The following RYR2 variants were observed in gnomAD, a reference collection of about 807,000 sequenced individuals.
RYR2 encodes cardiac muscle ryanodine receptor-calcium release channel.
A neutral mutation model predicts 601.1 loss-of-function variants in RYR2; 227 were observed. That is an observed-to-expected ratio of 0.38 (90% confidence interval 0.34 to 0.42). The LOEUF (loss-of-function observed/expected upper bound fraction) is 0.42. Among genes scored for constraint, RYR2 ranks in the 10% least tolerant of loss-of-function variants. The pLI is 1.00. For synonymous variants in RYR2, 2,223 were observed against 2,175.1 expected, an observed-to-expected ratio of 1.02 and a Z score of -0.61; for missense variants, 4,646 against 6,156.5, an observed-to-expected ratio of 0.75 and a Z score of 8.21.
intron 1 of RYR2, among the ~76,000 whole-genome samples, chr1:237,086,704 G>A (rs1666374852): frequency 1.3e-5 from 2 of 152,130 alleles, no homozygotes; most frequent in African/African-American, 4.8e-5. Flanking sequence ...GTGGTGAGGG[G>A]TGCTGGGTGG....
chr1:237,723,093 A>T, intron 73 of RYR2, 35 bp from the exon 74 acceptor site: 3 of 1,580,382 alleles, frequency 1.9e-6, no homozygotes, highest in Non-Finnish European at 2.6e-6. Context: ...TTAGATTCCC[A>T]TCTTCCCATT....
intron 8 of RYR2, among the ~76,000 whole-genome samples, chr1:237,385,222 T>C (rs146096584): frequency 6.6e-6 from 1 of 152,210 alleles, no homozygotes; most frequent in Non-Finnish European, 1.5e-5. Flanking sequence ...GTACATAATT[T>C]ATTTTATTGG....
At chr1:237,139,376 G>A (rs568627245) in intron 1 of RYR2, among the ~76,000 whole-genome samples, 16 of 152,344 alleles carry the variant, frequency 1.1e-4, no homozygotes, top group Non-Finnish European at 2.4e-4. Context: ...GGGGCTAAAG[G>A]CAGTGGGAGG....
intron 62 of RYR2, 86 bp from the exon 63 acceptor site, chr1:237,687,369 T>G: frequency 1.7e-6 from 1 of 593,950 alleles, no homozygotes; most frequent in Non-Finnish European, 2.8e-6. Context: ...TCTTCTTCTT[T>G]TTTTTTTTTT....
At chr1:237,795,368 GCA>G (rs773065806) in intron 96 of RYR2, 37 bp downstream of exon 96, 1 of 1,078,048 alleles carries the variant, frequency 9.3e-7, no homozygotes, top group South Asian at 1.5e-5. Context: ...TTTTCTTAAA[GCA>G]CAGTTTAGAT....
intron 30 of RYR2, 75 bp downstream of exon 30, chr1:237,590,076 CT>C: frequency 7.6e-7 from 1 of 1,312,080 alleles, no homozygotes; most frequent in Non-Finnish European, 1.1e-6. Context: ...GGAACTTCTG[CT>C]TAGACAATTA....
At position 237,720,445 on chromosome 1, in the gene RYR2, C is replaced by T. The variant is rs191207534; in HGVS notation, c.10554+1924C>T. Reference sequence around the variant, plus strand: ...TTTCATGTGAAGTTTGATGTGTACTCAGTTGTTTACTAACAATTCTTTTAG... The same window carrying T: ...TTTCATGTGAAGTTTGATGTGTACTTAGTTGTTTACTAACAATTCTTTTAG... On this transcript the variant is annotated intron_variant, in intron 73 of 104. Transcript: ENST00000366574. Among the ~76,000 whole-genome samples the T allele has an allele frequency of 4.6e-5, 7 of 152,286 alleles. No individual in the cohort carries two copies. The East Asian group carries it at 1.4e-3, about 29-fold the overall frequency.
chr1:237,552,518 C>A (rs969962701), intron 27 of RYR2, among the ~76,000 whole-genome samples: 1 of 152,002 alleles, frequency 6.6e-6, no homozygotes, highest in Non-Finnish European at 1.5e-5. Context: ...TTTCTTCATT[C>A]CAGAAAGTTT....
chr1:237,622,358 A>T (rs1025265549), intron 38 of RYR2, among the ~76,000 whole-genome samples: 1 of 152,216 alleles, frequency 6.6e-6, no homozygotes. Flanking sequence ...AATCCAAAAC[A>T]TTTTGAGCAC....
intron 1 of RYR2, among the ~76,000 whole-genome samples, chr1:237,100,218 G>A (rs1034519304): frequency 6.6e-6 from 1 of 152,086 alleles, no homozygotes; most frequent in Non-Finnish European, 1.5e-5. Flanking sequence ...AAATAGATGA[G>A]GTGAAAGAGC....
chr1:237,164,862 C>T (rs970291254), intron 1 of RYR2, among the ~76,000 whole-genome samples: 7 of 152,084 alleles, frequency 4.6e-5, no homozygotes, highest in African/African-American at 1.2e-4. Flanking sequence ...GTCCATACTC[C>T]GTATACCTAT....
Position 237,691,976 on chromosome 1 carries a change from A to G in RYR2, c.9067+4472A>G, listed in dbSNP as rs1252852866. Among the ~76,000 whole-genome samples, 5 of 152,302 alleles carry G rather than the reference A, an allele frequency of 3.3e-5. No individual in the cohort carries two copies. The East Asian group carries it at 5.8e-4, about 18-fold the overall frequency. ...TACCCCTGACTTTTGCTGCCTAGAA[A>G]TTCTGATTACTATTTTCAAGGCAGT... On this transcript the variant is annotated intron_variant, in intron 63 of 104. Coordinates refer to ENST00000366574, the MANE Select transcript of RYR2 (RefSeq NM_001035.3).
At chr1:237,590,548 A>C (rs897862081) in intron 30 of RYR2, 92 bp from the exon 31 acceptor site, 1 of 1,036,960 alleles carries the variant, frequency 9.6e-7, no homozygotes, top group African/African-American at 1.6e-5. Flanking sequence ...CGCATTTGGG[A>C]TTCTGAAAAC....
At position 237,711,117 on chromosome 1, in the gene RYR2, GTATT is replaced by G. The variant is rs1196729266; in HGVS notation, c.10231-624_10231-621del. Among the ~76,000 whole-genome samples, 7 of 152,256 alleles carry G rather than the reference GTATT, an allele frequency of 4.6e-5. No homozygotes were observed. In the East Asian group the frequency reaches 1.3e-3, roughly 29 times the overall value. ...TACAAGACTAAAGTTTGGAACAAGA[GTATT>G]TATCATAATCAGTATGTTTTCAGAT... On this transcript the variant is annotated intron_variant, in intron 70 of 104. Transcript: ENST00000366574.
chr1:237,382,365 T>G lies in RYR2; in HGVS notation c.577-4916T>G, dbSNP rs183965296. Among the ~76,000 whole-genome samples, 295 of 152,310 alleles carry G rather than the reference T, an allele frequency of 1.9e-3. 1 individual carries two copies. The highest frequency in any genetic ancestry group is 3.6e-3 in the Non-Finnish European group (246 of 68,010). On this transcript the variant is annotated intron_variant, in intron 8 of 104. Transcript: ENST00000366574. ...TTTCTTACCCAACTCTAAATTTCTT[T>G]TTTTATTTTTTATTGTTATTTTTTA...
rs549265946 is a variant in RYR2, at chr1:237,593,593, G to A, written c.4393G>A (p.Val1465Ile). The A allele has an allele frequency of 2.5e-6, 4 of 1,613,856 alleles. No individual in the cohort carries two copies. In the African/African-American group the frequency reaches 4.0e-5, roughly 16 times the overall value. Residue 1465 changes from valine (V) to isoleucine (I), a missense_variant, in exon 33 of 105, where the codon GTA (valine) becomes ATA (isoleucine). Val to Ile is a conservative substitution (Grantham distance 29, BLOSUM62 3). Transcript: ENST00000366574. Reference sequence around the variant, plus strand: ...CTTTGACTTGGACAGAGTTCGCACAGTAACAGTTACTCTAGGAGATGAAAA... The same window carrying A: ...CTTTGACTTGGACAGAGTTCGCACAATAACAGTTACTCTAGGAGATGAAAA... ...TGFDLDRVRTVTVTLGDEKGK... is the reference protein window; with the variant it reads ...TGFDLDRVRTITVTLGDEKGK...
intron 1 of RYR2, among the ~76,000 whole-genome samples, chr1:237,102,515 G>A (rs2148525076): frequency 6.6e-6 from 1 of 152,206 alleles, no homozygotes; most frequent in South Asian, 2.1e-4. Flanking sequence ...ACACTCAGAT[G>A]TTTTCCTTCT....
At chr1:237,768,695 CTGCAGACATAAAGCCA>C (rs572730846) in intron 84 of RYR2, among the ~76,000 whole-genome samples, 137 of 152,330 alleles carry the variant, frequency 9.0e-4, no homozygotes, top group Non-Finnish European at 1.1e-3. Flanking sequence ...CCTGTACCTT[CTGCAGACATAAAGCCA>C]TCATCCATCT....
At chr1:237,555,279 A>G (rs1032178478) in intron 27 of RYR2, 1 of 152,146 alleles carries the variant, frequency 6.6e-6, no homozygotes, top group African/African-American at 2.4e-5. Context: ...ATTTGATTCA[A>G]CTACTCTCTT....
Sources: gnomAD v4.1 joint callset for allele counts (sites outside exome capture counted in the v4.1 genomes callset) on GRCh38, gnomAD v4.1.1 for gene constraint, MANE v1.5 for transcripts, NCBI Gene and HGNC (gene_info 2026-07-23, HGNC 2026-07-21) for gene names.